Variants in TMEM71 observed in about 807,000 individuals in gnomAD.
The protein encoded by TMEM71 is transmembrane protein 71.
A neutral mutation model predicts 38.0 loss-of-function variants in TMEM71; 44 were observed. That is an observed-to-expected ratio of 1.16 (90% CI 0.91 to 1.49). TMEM71 has a LOEUF of 1.49. Ranked by LOEUF, TMEM71 falls within the 40% of genes most tolerant of loss-of-function variation. The pLI, the probability that TMEM71 is intolerant of heterozygous loss-of-function variation, is 0.00. For missense variants in TMEM71, 367 were observed against 348.6 expected (o/e 1.05, Z -0.42); for synonymous variants, 133 against 122.5 (o/e 1.09, Z -0.56).
intron 7 of TMEM71, among the ~76,000 whole-genome samples, chr8:132,714,716 T>A (rs867262101): frequency 3.3e-5 from 5 of 152,166 alleles, no homozygotes; most frequent in Non-Finnish European, 7.3e-5. Context: ...ATAATTGGAC[T>A]TTATCAAAAT....
At chr8:132,767,939 A>C in the TMEM71 span, among the ~76,000 whole-genome samples, 1 of 152,160 alleles carries the variant, frequency 6.6e-6, no homozygotes. Context: ...AGTTGTGATG[A>C]CATTGCGAGA....
the TMEM71 span, chr8:132,775,237 G>C: frequency 3.2e-6 from 1 of 315,176 alleles, no homozygotes; most frequent in Non-Finnish European, 5.7e-6. Context: ...CCCGCTAGCG[G>C]TCCGTCAACG....
In TMEM71 at chr8:132,723,054, T is replaced by G. The variant is rs182549891; in HGVS notation, c.677-939A>C. Among the ~76,000 whole-genome samples, 44 of 152,340 alleles carry G rather than the reference T, an allele frequency of 2.9e-4. No individual in the cohort carries two copies. The East Asian group carries it at 7.1e-3, about 25-fold the overall frequency. ...GAATGACTTTATGTTATGAATGCAT[T>G]TATTTTTGCTATTTATGCCATGAAT... On this transcript the variant is annotated intron_variant, in intron 6 of 9. Coordinates refer to ENST00000677595, the MANE Select transcript of TMEM71 (RefSeq NM_001382403.1).
intron 3 of TMEM71, 116 bp downstream of exon 3, chr8:132,757,118 C>T: frequency 1.9e-6 from 1 of 538,512 alleles, no homozygotes; most frequent in South Asian, 1.8e-5. Context: ...GGATGGTCTC[C>T]ATCTCCTGAC....
chr8:132,724,483 T>C (rs1563745435), intron 6 of TMEM71, among the ~76,000 whole-genome samples: 1 of 152,202 alleles, frequency 6.6e-6, no homozygotes, highest in Non-Finnish European at 1.5e-5. Context: ...CAAGAAGAAA[T>C]ATATAGCTGT....
chr8:132,710,831 C>A lies in TMEM71; in HGVS notation c.*136G>T. On this transcript the variant is annotated 3_prime_UTR_variant, in exon 10 of 10. Transcript: ENST00000677595. ...TGAGATCATTTTAAAATCACATAGT[C>A]AAACTAAAATGGCTTTTTCTCCATT... The A allele has an allele frequency of 1.3e-6, 1 of 772,164 alleles. No homozygotes were observed. 47.8% of individuals were successfully genotyped at this position (772,164 alleles called of 1,614,324 possible).
At chr8:132,774,557 T>A in the TMEM71 span, among the ~76,000 whole-genome samples, 1 of 152,364 alleles carries the variant, frequency 6.6e-6, no homozygotes, top group Non-Finnish European at 1.5e-5. Context: ...AAGATAAATA[T>A]AAGTGACATT....
At chr8:132,749,880 G>A (rs965596148) in intron 4 of TMEM71, among the ~76,000 whole-genome samples, 12 of 152,168 alleles carry the variant, frequency 7.9e-5, no homozygotes, top group African/African-American at 2.6e-4. Context: ...TGGACATGGT[G>A]GTGCATGCCT....
chr8:132,741,296 G>C (rs1044698007), intron 5 of TMEM71, among the ~76,000 whole-genome samples: 8 of 152,214 alleles, frequency 5.3e-5, no homozygotes, highest in Admixed American at 5.2e-4. Context: ...CAGGGAGACG[G>C]AGGTTGCAGT....
At chr8:132,706,759 A>G (rs749108052), downstream of TMEM71, among the ~76,000 whole-genome samples, 1 of 152,148 alleles carries the variant, frequency 6.6e-6, no homozygotes, top group African/African-American at 2.4e-5. Flanking sequence ...CAGACGGTAG[A>G]TGTTTCCTTG....
the TMEM71 span, among the ~76,000 whole-genome samples, chr8:132,766,314 C>T: frequency 1.4e-5 from 2 of 145,844 alleles, no homozygotes; most frequent in Non-Finnish European, 3.0e-5. Flanking sequence ...TGGTCAAGTT[C>T]AATGCCATCA....
intron 9 of TMEM71, among the ~76,000 whole-genome samples, chr8:132,713,626 T>C (rs1201127598): frequency 6.6e-6 from 1 of 152,186 alleles, no homozygotes; most frequent in Non-Finnish European, 1.5e-5. Context: ...AATCACAGTT[T>C]GTAACTGAGA....
chr8:132,722,764 A>C (rs1482567298), intron 6 of TMEM71, among the ~76,000 whole-genome samples: 1 of 152,256 alleles, frequency 6.6e-6, no homozygotes, highest in Non-Finnish European at 1.5e-5. Context: ...TATATTATGA[A>C]ATATTTGTCT....
chr8:132,770,373 C>T, the TMEM71 span, among the ~76,000 whole-genome samples: 2 of 152,196 alleles, frequency 1.3e-5, no homozygotes, highest in Non-Finnish European at 2.9e-5. Context: ...GCTCAGTCCA[C>T]GAGGTTTGGA....
At chr8:132,761,423 C>T (rs1829293235), upstream of TMEM71, among the ~76,000 whole-genome samples, 1 of 152,168 alleles carries the variant, frequency 6.6e-6, no homozygotes, top group Non-Finnish European at 1.5e-5. Context: ...GTCCTCAGCA[C>T]AGATGTGCAA....
At chr8:132,729,785 C>T (rs530314740) in intron 5 of TMEM71, among the ~76,000 whole-genome samples, 6 of 152,096 alleles carry the variant, frequency 3.9e-5, no homozygotes, top group East Asian at 1.9e-4. Context: ...AAATTAAAAC[C>T]GAGTTTCTGT....
chr8:132,737,726 C>T (rs1827824466), intron 5 of TMEM71, among the ~76,000 whole-genome samples: 1 of 152,200 alleles, frequency 6.6e-6, no homozygotes, highest in African/African-American at 2.4e-5. Flanking sequence ...CTAGCACTCA[C>T]ACAATTAGGG....
chr8:132,761,838 A>G (rs1829302697), upstream of TMEM71, among the ~76,000 whole-genome samples: 1 of 152,214 alleles, frequency 6.6e-6, no homozygotes, highest in Non-Finnish European at 1.5e-5. Context: ...TCAAGGAATC[A>G]AGAGTGGTCT....
At chr8:132,736,377 A>T (rs998811520) in intron 5 of TMEM71, among the ~76,000 whole-genome samples, 1 of 152,100 alleles carries the variant, frequency 6.6e-6, no homozygotes, top group Non-Finnish European at 1.5e-5. Context: ...ACTGAGAGGA[A>T]GAGGCAGCCT....
Sources: allele counts gnomAD v4.1 joint callset (sites outside exome capture counted in the v4.1 genomes callset), GRCh38; gene constraint gnomAD v4.1.1; transcripts MANE v1.5; gene names NCBI Gene and HGNC (gene_info 2026-07-23, HGNC 2026-07-21).